The following TRIM14 variants were observed in gnomAD, a reference collection of about 807,000 sequenced individuals.
The protein encoded by TRIM14 is tripartite motif-containing protein 14.
In TRIM14, 28 loss-of-function variants were observed where a neutral mutation model predicts 44.5. That is an observed-to-expected ratio of 0.63 (90% confidence interval 0.47 to 0.86). The LOEUF (loss-of-function observed/expected upper bound fraction) is 0.86, where lower values mean the gene tolerates loss of function less well. TRIM14 is among the 40% of genes least tolerant of loss of function. The probability of loss-of-function intolerance (pLI) is 0.00; values close to 1 mark genes in which losing one functional copy is unlikely to be tolerated. For missense variants in TRIM14, 607 were observed against 611.1 expected, an observed-to-expected ratio of 0.99 and a Z score of 0.07; for synonymous variants, 299 against 269.2, an observed-to-expected ratio of 1.11 and a Z score of -1.08.
intron 6 of TRIM14, among the ~76,000 whole-genome samples, chr9:98,073,687 T>C (rs1829456363): frequency 6.6e-6 from 1 of 151,984 alleles, no homozygotes; most frequent in Non-Finnish European, 1.5e-5. Context: ...TCCTTACCCC[T>C]GACTCAGATC....
chr9:98,076,196 T>G (rs1216864736), intron 6 of TRIM14: 1 of 152,206 alleles, frequency 6.6e-6, no homozygotes, highest in African/African-American at 2.4e-5. Context: ...TCGCCAAGAA[T>G]TGAAATAGCC....
intron 1 of TRIM14, 172 bp from the exon 2 acceptor site, chr9:98,110,156 G>A (rs1196048902): frequency 3.0e-5 from 18 of 604,948 alleles, no homozygotes; most frequent in Non-Finnish European, 5.9e-6. Context: ...CTGGGACTAG[G>A]ACATCTCTGA....
the TRIM14 span, among the ~76,000 whole-genome samples, chr9:98,051,976 C>T: frequency 1.3e-5 from 2 of 152,028 alleles, no homozygotes; most frequent in Middle Eastern, 3.4e-3. Flanking sequence ...TGCAAAGAGC[C>T]AAGTATCCCT....
the TRIM14 span, among the ~76,000 whole-genome samples, chr9:98,044,368 C>CTTTT: frequency 4.5e-5 from 5 of 110,504 alleles, no homozygotes; most frequent in East Asian, 2.6e-4. Context: ...TGCCCTTTCT[C>CTTTT]TTTTTTTTTT....
chr9:98,117,567 T>C (rs1420503610), intron 1 of TRIM14, among the ~76,000 whole-genome samples: 1 of 152,192 alleles, frequency 6.6e-6, no homozygotes, highest in Non-Finnish European at 1.5e-5. Flanking sequence ...AGTGCTGGGA[T>C]TACAGGCATG....
chr9:98,049,439 T>C, the TRIM14 span, among the ~76,000 whole-genome samples: 18 of 150,922 alleles, frequency 1.2e-4, no homozygotes, highest in East Asian at 3.5e-3. Flanking sequence ...TTCCTAATTA[T>C]ATGCTAAAGA....
the TRIM14 span, among the ~76,000 whole-genome samples, chr9:98,046,135 G>A: frequency 2.0e-5 from 3 of 152,072 alleles, no homozygotes; most frequent in African/African-American, 7.2e-5. Flanking sequence ...TTTTTCTTCA[G>A]TGCTTACACA....
chr9:98,118,895 C>T, intron 1 of TRIM14, 87 bp downstream of exon 1: 3 of 1,365,980 alleles, frequency 2.2e-6, no homozygotes, highest in East Asian at 3.0e-5. Context: ...CCACTGGCCA[C>T]GGCCAGGCAC....
intron 2 of TRIM14, among the ~76,000 whole-genome samples, chr9:98,109,426 G>A (rs1426194727): frequency 1.3e-5 from 2 of 152,218 alleles, no homozygotes; most frequent in African/African-American, 4.8e-5. Context: ...AAAATCCACA[G>A]AGAATCCACT....
chr9:98,058,148 C>G, the TRIM14 span, among the ~76,000 whole-genome samples: 1 of 152,030 alleles, frequency 6.6e-6, no homozygotes, highest in Non-Finnish European at 1.5e-5. Context: ...AACTCCTGAG[C>G]TCAAGCAATC....
chr9:98,118,884 G>A (rs1827145643), intron 1 of TRIM14, 98 bp downstream of exon 1: 4 of 1,322,700 alleles, frequency 3.0e-6, no homozygotes, highest in Middle Eastern at 2.7e-4. Context: ...GTTGTAACCC[G>A]CCACTGGCCA....
At chr9:98,070,407 C>T (rs1158697915) in intron 6 of TRIM14, among the ~76,000 whole-genome samples, 1 of 151,864 alleles carries the variant, frequency 6.6e-6, no homozygotes, top group Admixed American at 6.6e-5. Flanking sequence ...TGTGAGCCAC[C>T]GTGCCCAGCT....
downstream of TRIM14, among the ~76,000 whole-genome samples, chr9:98,066,620 C>T (rs1829155253): frequency 1.3e-5 from 2 of 151,620 alleles, no homozygotes; most frequent in African/African-American, 2.4e-5. Context: ...CTCAATTGCC[C>T]CAATTCTCCC....
chr9:98,043,290 G>A, the TRIM14 span, among the ~76,000 whole-genome samples: 5 of 151,734 alleles, frequency 3.3e-5, no homozygotes, highest in Non-Finnish European at 5.9e-5. Context: ...CGATTCTTCC[G>A]CCTCAGCCTC....
At chr9:98,039,567 G>A in the TRIM14 span, among the ~76,000 whole-genome samples, 1 of 152,130 alleles carries the variant, frequency 6.6e-6, no homozygotes, top group Non-Finnish European at 1.5e-5. Flanking sequence ...CACAGCTGGA[G>A]GGGGACAAGA....
chr9:98,116,169 G>A (rs1238851448), intron 1 of TRIM14: 1 of 151,984 alleles, frequency 6.6e-6, no homozygotes, highest in Non-Finnish European at 1.5e-5. Context: ...AGGAGTGGTG[G>A]TGCACACCTG....
At chr9:98,111,858 A>T (rs1826866595) in intron 1 of TRIM14, among the ~76,000 whole-genome samples, 1 of 152,144 alleles carries the variant, frequency 6.6e-6, no homozygotes, top group Admixed American at 6.5e-5. Flanking sequence ...GAATCACTTG[A>T]ACCCAGGAGG....
the TRIM14 span, chr9:98,056,985 G>A: frequency 1.3e-6 from 2 of 1,516,168 alleles, no homozygotes; most frequent in Non-Finnish European, 1.8e-6. Context: ...CGCCGGGAGG[G>A]GCGGGGCGGG....
At chr9:98,094,670 C>T (rs1826116211) in intron 4 of TRIM14, among the ~76,000 whole-genome samples, 197 bp downstream of exon 4, 1 of 152,134 alleles carries the variant, frequency 6.6e-6, no homozygotes, top group East Asian at 1.9e-4. Flanking sequence ...TGGAGAAGGG[C>T]AGGTCTCAGT....
Sources: allele counts gnomAD v4.1 joint callset (sites outside exome capture counted in the v4.1 genomes callset), GRCh38; gene constraint gnomAD v4.1.1; transcripts MANE v1.5; gene names NCBI Gene and HGNC (gene_info 2026-07-23, HGNC 2026-07-21).